Variants in SIRT1 observed in about 807,000 individuals in gnomAD.
SIRT1 encodes NAD-dependent protein deacetylase sirtuin-1.
SIRT1 carries 24 observed loss-of-function variants against 67.9 expected under a neutral mutation model. The observed-to-expected ratio is 0.35, with a 90% CI of 0.26 to 0.50. The LOEUF is 0.50. Among genes scored for constraint, SIRT1 ranks in the 20% least tolerant of loss-of-function variants. The pLI is 0.98. For missense variants in SIRT1, 873 were observed against 937.2 expected (o/e 0.93, Z 0.89); for synonymous variants, 378 against 350.7 (o/e 1.08, Z -0.87).
At chr10:67,899,228 A>T (rs1842704911) in intron 4 of SIRT1, among the ~76,000 whole-genome samples, 1 of 151,790 alleles carries the variant, frequency 6.6e-6, no homozygotes, top group Non-Finnish European at 1.5e-5. Context: ...GATTTAGCTG[A>T]TTTGGCTGAT....
At chr10:67,906,693 T>C in intron 4 of SIRT1, 97 bp from the exon 5 acceptor site, 1 of 1,200,862 alleles carries the variant, frequency 8.3e-7, no homozygotes, top group South Asian at 1.4e-5. Flanking sequence ...ATTTTTAAAA[T>C]TATGTGTGTG....
chr10:67,898,423 G>A (rs1169158753), intron 4 of SIRT1, among the ~76,000 whole-genome samples: 1 of 151,942 alleles, frequency 6.6e-6, no homozygotes, highest in Non-Finnish European at 1.5e-5. Context: ...TTAATTCCAA[G>A]AATGTATTTT....
intron 2 of SIRT1, among the ~76,000 whole-genome samples, 165 bp from the exon 3 acceptor site, chr10:67,888,717 G>T (rs1842524746): frequency 1.3e-5 from 2 of 151,914 alleles, no homozygotes; most frequent in South Asian, 4.1e-4. Context: ...AATCTCATTG[G>T]GATATAGCAT....
chr10:67,893,732 A>G (rs957905457), intron 4 of SIRT1, among the ~76,000 whole-genome samples: 2 of 151,988 alleles, frequency 1.3e-5, no homozygotes, highest in South Asian at 2.1e-4. Context: ...TTTGGTAGAG[A>G]CGGGGATTCA....
chr10:67,894,861 C>T (rs2131857870), intron 4 of SIRT1, among the ~76,000 whole-genome samples: 1 of 152,208 alleles, frequency 6.6e-6, no homozygotes, highest in South Asian at 2.1e-4. Context: ...AGGCACGTGC[C>T]ATCACGATCA....
At chr10:67,913,076 C>A in intron 8 of SIRT1, 45 bp downstream of exon 8, 1 of 1,534,774 alleles carries the variant, frequency 6.5e-7, no homozygotes, top group South Asian at 1.3e-5. Context: ...AATGTCATAA[C>A]AGTATTTCCA....
At chr10:67,908,184 C>T (rs933490621) in intron 6 of SIRT1, 59 bp downstream of exon 6, 4 of 1,420,868 alleles carry the variant, frequency 2.8e-6, no homozygotes, top group Non-Finnish European at 3.9e-6. Context: ...TCTTCTTTTG[C>T]CTCAAAATCC....
chr10:67,913,650 A>T (rs891796684), intron 8 of SIRT1, among the ~76,000 whole-genome samples: 2 of 152,206 alleles, frequency 1.3e-5, no homozygotes, highest in African/African-American at 4.8e-5. Flanking sequence ...CTGACATGTG[A>T]AATCACTTTC....
intron 4 of SIRT1, among the ~76,000 whole-genome samples, chr10:67,905,168 C>T (rs551812268): frequency 1.3e-5 from 2 of 152,232 alleles, no homozygotes; most frequent in Admixed American, 6.5e-5. Context: ...TCTCATAGTG[C>T]CTAAAATACT....
intron 4 of SIRT1, among the ~76,000 whole-genome samples, chr10:67,897,778 G>A (rs1374206748): frequency 2.0e-5 from 3 of 151,828 alleles, no homozygotes; most frequent in Middle Eastern, 3.4e-3. Context: ...GATTACAGGC[G>A]TGAGCCACTT....
intron 3 of SIRT1, among the ~76,000 whole-genome samples, chr10:67,890,334 G>A (rs555544816): frequency 6.6e-6 from 1 of 152,248 alleles, no homozygotes; most frequent in Admixed American, 6.5e-5. Flanking sequence ...GATTACAGGC[G>A]TGATCCACCG....
At position 67,891,454 on chromosome 10, in the gene SIRT1, C is replaced by T; in HGVS notation, c.842C>T (p.Ala281Val). Residue 281 changes from alanine to valine, a missense_variant, in exon 4 of 9, where the codon GCT becomes GTT. Transcript: ENST00000212015. ...TTCAGGTCAAGGGATGGTATTTATG[C>T]TCGCCTTGCTGTAGACTTCCCAGAT... ...PDFRSRDGIY[A>V]RLAVDFPDLP... 1 of 1,614,052 alleles carries T rather than the reference C, an allele frequency of 6.2e-7. No homozygotes were observed. The highest frequency in any genetic ancestry group is 2.2e-5 in the East Asian group (1 of 44,858).
chr10:67,911,249 A>G (rs1416056706), intron 7 of SIRT1, among the ~76,000 whole-genome samples: 2 of 152,182 alleles, frequency 1.3e-5, no homozygotes, highest in East Asian at 3.9e-4. Flanking sequence ...GCTAGAGTGC[A>G]GTGGTGCAGT....
At chr10:67,894,722 A>T (rs894969315) in intron 4 of SIRT1, among the ~76,000 whole-genome samples, 1 of 151,982 alleles carries the variant, frequency 6.6e-6, no homozygotes, top group African/African-American at 2.4e-5. Flanking sequence ...TATTATTATT[A>T]TTTTTTGAGA....
At chr10:67,899,360 GTC>G (rs1842706993) in intron 4 of SIRT1, among the ~76,000 whole-genome samples, 1 of 151,008 alleles carries the variant, frequency 6.6e-6, no homozygotes, top group Non-Finnish European at 1.5e-5. Flanking sequence ...GACAGGGCCT[GTC>G]TCTGATACCC....
At chr10:67,896,761 C>CAAA (rs35899726) in intron 4 of SIRT1, among the ~76,000 whole-genome samples, 5 of 56,718 alleles carry the variant, frequency 8.8e-5, no homozygotes, top group East Asian at 4.5e-4. Context: ...GAATCTGTCT[C>CAAA]AAAAAAAAAA....
rs562914481 is a variant in SIRT1 at position 67,918,294 on chromosome 10, C to T, written c.*1701C>T. 6.6e-6 allele frequency: 1 copy of T among 152,572 alleles called. No homozygotes were observed. The highest frequency in any genetic ancestry group is 2.1e-4 in the South Asian group (1 of 4,772). The allele number at this position is 152,572 out of a possible 1,614,324, so 9.5% of individuals were successfully genotyped here. On this transcript the variant is annotated 3_prime_UTR_variant, in exon 9 of 9. Transcript: ENST00000212015. ...TGTAGACTGTTTAATGACTGGATAT[C>T]TTCCTTCAACTTTTGAAATACAAAA...
At chr10:67,912,400 A>G in intron 7 of SIRT1, 74 bp from the exon 8 acceptor site, 2 of 1,335,588 alleles carry the variant, frequency 1.5e-6, no homozygotes, top group Non-Finnish European at 2.0e-6. Context: ...ATTTTTGCAT[A>G]ATGTATCTGT....
chr10:67,912,449 A>T (rs1310098067), intron 7 of SIRT1, 25 bp from the exon 8 acceptor site: 2 of 1,552,586 alleles, frequency 1.3e-6, no homozygotes, highest in African/African-American at 1.4e-5. Flanking sequence ...CCTTTTTCTA[A>T]CTCTTATTTT....
Sources: gnomAD v4.1 joint callset for allele counts (sites outside exome capture counted in the v4.1 genomes callset) on GRCh38, gnomAD v4.1.1 for gene constraint, MANE v1.5 for transcripts, NCBI Gene and HGNC (gene_info 2026-07-23, HGNC 2026-07-21) for gene names.